NCKAP5: variants seen among roughly 807,000 people sequenced by gnomAD.
NCKAP5 encodes NCK associated protein 5.
A neutral mutation model predicts 167.0 loss-of-function variants in NCKAP5; 92 were observed. The observed-to-expected ratio is 0.55, with a 90% CI of 0.47 to 0.66. The LOEUF (loss-of-function observed/expected upper bound fraction) is 0.66, where lower values mean the gene tolerates loss of function less well. Ranked by LOEUF, NCKAP5 falls within the 30% of genes least tolerant of loss-of-function variation. The probability of loss-of-function intolerance (pLI) is 0.00; values close to 1 mark genes in which losing one functional copy is unlikely to be tolerated. For synonymous variants in NCKAP5, 891 were observed against 877.4 expected, an observed-to-expected ratio of 1.02 and a Z score of -0.27; for missense variants, 2,378 against 2,315.0, an observed-to-expected ratio of 1.03 and a Z score of -0.56.
In NCKAP5 at chr2:132,920,680, A is replaced by ATATAT. The variant is rs1558942415; in HGVS notation, c.580-41765_580-41764insATATA. Among the ~76,000 whole-genome samples the ATATAT allele has an allele frequency of 9.6e-5, 8 of 83,404 alleles. 1 individual carries two copies. Among genetic ancestry groups the ATATAT allele is most frequent in the African/African-American group, 6.6e-4 (8 of 12,184 alleles). The allele number at this position is 83,404 out of a possible 152,430, so 54.7% of individuals were successfully genotyped here. On this transcript the variant is annotated intron_variant, in intron 8 of 19. Transcript: ENST00000409261. ...GAACTTATATATATATATATATATA[A>ATATAT]GTTAGTTTATATATATATATACGTA...
chr2:133,329,285 G>T (rs1042255439), intron 3 of NCKAP5, among the ~76,000 whole-genome samples: 1 of 152,050 alleles, frequency 6.6e-6, no homozygotes, highest in African/African-American at 2.4e-5. Flanking sequence ...ACAACCAGGG[G>T]ACAGCCACGT....
intron 8 of NCKAP5, among the ~76,000 whole-genome samples, chr2:132,922,663 T>C (rs1372041188): frequency 2.6e-5 from 4 of 152,322 alleles, no homozygotes; most frequent in Middle Eastern, 3.4e-3. Flanking sequence ...CAATGCATTA[T>C]ATAATTTAAT....
chr2:133,402,777 C>T (rs1688183367), intron 3 of NCKAP5, among the ~76,000 whole-genome samples: 1 of 152,130 alleles, frequency 6.6e-6, no homozygotes. Context: ...TCACCAGAAG[C>T]AGATGCCAGC....
intron 6 of NCKAP5, among the ~76,000 whole-genome samples, chr2:133,013,185 T>A (rs1361267451): frequency 6.6e-6 from 1 of 152,192 alleles, no homozygotes; most frequent in Admixed American, 6.5e-5. Context: ...GGGATTAGCG[T>A]GTGCTTTGGC....
chr2:132,788,433 G>C (rs1338554457), intron 13 of NCKAP5, among the ~76,000 whole-genome samples: 1 of 152,154 alleles, frequency 6.6e-6, no homozygotes, highest in Non-Finnish European at 1.5e-5. Flanking sequence ...CAGTATAAAA[G>C]AACAATTAAG....
intron 6 of NCKAP5, among the ~76,000 whole-genome samples, chr2:133,039,470 T>A (rs1481651946): frequency 1.3e-5 from 2 of 152,082 alleles, no homozygotes. Flanking sequence ...AGGATCAGAG[T>A]CTTTGATCTT....
chr2:133,206,253 T>C (rs1307182960), intron 5 of NCKAP5, among the ~76,000 whole-genome samples: 1 of 152,184 alleles, frequency 6.6e-6, no homozygotes, highest in Admixed American at 6.6e-5. Context: ...TTACATTTTA[T>C]CAAATATTTT....
intron 3 of NCKAP5, among the ~76,000 whole-genome samples, chr2:133,477,910 A>C (rs1680074895): frequency 6.6e-6 from 1 of 152,108 alleles, no homozygotes; most frequent in Admixed American, 6.5e-5. Context: ...CCTATGAATT[A>C]TTTATTTCTG....
At chr2:133,461,640 C>T (rs777377178) in intron 3 of NCKAP5, among the ~76,000 whole-genome samples, 1 of 152,136 alleles carries the variant, frequency 6.6e-6, no homozygotes, top group Non-Finnish European at 1.5e-5. Context: ...TCCTGGGCTC[C>T]AGCCGAGTGT....
chr2:132,731,925 A>G lies in NCKAP5; in HGVS notation c.5255T>C (p.Leu1752Pro). 6.2e-7 allele frequency: 1 copy of G among 1,613,968 alleles called. No homozygotes were observed. The highest frequency in any genetic ancestry group is 1.3e-5 in the African/African-American group (1 of 75,036). The part of the protein sequence containing the change: ...PDSPEDAEPL[L>P]PLQSALSAVS... ...TGCAGAAAGGGCTGACTGGAGAGGCAGGAGAGGCTCAGCGTCCTCTGGGGA... is the reference window on the plus strand; with the variant it reads ...TGCAGAAAGGGCTGACTGGAGAGGCGGGAGAGGCTCAGCGTCCTCTGGGGA... Residue 1752 changes from leucine (L) to proline (P), a missense_variant, in exon 17 of 20, where the codon CTG (leucine) becomes CCG (proline). Physicochemically the swap from Leu to Pro is moderately conservative, Grantham distance 98. Transcript: ENST00000409261.
At chr2:133,064,350 A>G (rs562113715) in intron 6 of NCKAP5, among the ~76,000 whole-genome samples, 1 of 152,238 alleles carries the variant, frequency 6.6e-6, no homozygotes, top group Non-Finnish European at 1.5e-5. Flanking sequence ...TGTTTGTTTC[A>G]TTATGGTTTG....
intron 11 of NCKAP5, among the ~76,000 whole-genome samples, chr2:132,858,114 G>T (rs1000638086): frequency 1.4e-5 from 2 of 146,824 alleles, no homozygotes; most frequent in African/African-American, 5.1e-5. Context: ...AACTAATGCA[G>T]CCTTCTAAGA....
intron 7 of NCKAP5, among the ~76,000 whole-genome samples, chr2:132,968,451 A>G (rs2076732643): frequency 6.6e-6 from 1 of 152,218 alleles, no homozygotes; most frequent in Non-Finnish European, 1.5e-5. Flanking sequence ...AGATTTTACA[A>G]CTTTGGAACT....
intron 4 of NCKAP5, among the ~76,000 whole-genome samples, chr2:133,298,684 T>C (rs1426772640): frequency 6.6e-6 from 1 of 152,196 alleles, no homozygotes; most frequent in Non-Finnish European, 1.5e-5. Flanking sequence ...GCATTCATTA[T>C]TTTTTGTAAA....
At chr2:132,872,184 C>T (rs1690877926) in intron 9 of NCKAP5, among the ~76,000 whole-genome samples, 2 of 152,358 alleles carry the variant, frequency 1.3e-5, no homozygotes, top group South Asian at 2.1e-4. Flanking sequence ...GCTTGTAGTA[C>T]AGCCTTCCTT....
chr2:133,021,287 C>T (rs1179313107), intron 6 of NCKAP5, among the ~76,000 whole-genome samples: 1 of 152,074 alleles, frequency 6.6e-6, no homozygotes, highest in East Asian at 1.9e-4. Context: ...AGGAGCGAAT[C>T]TGGGGATCAG....
At chr2:133,455,319 T>G (rs1358291437) in intron 3 of NCKAP5, among the ~76,000 whole-genome samples, 3 of 152,148 alleles carry the variant, frequency 2.0e-5, no homozygotes, top group Non-Finnish European at 4.4e-5. Flanking sequence ...TATGCCTTTA[T>G]GAATAATAAA....
chr2:133,275,360 C>T lies in NCKAP5; in HGVS notation c.143+27677G>A, dbSNP rs748460926. 1.2e-3 allele frequency among the ~76,000 whole-genome samples: 183 copies of T among 151,826 alleles called. 1 individual carries two copies. Among genetic ancestry groups the T allele is most frequent in the Non-Finnish European group, 2.0e-3 (139 of 67,864 alleles). On this transcript the variant is annotated intron_variant, in intron 4 of 19. Coordinates refer to ENST00000409261, the MANE Select transcript of NCKAP5 (RefSeq NM_207363.3). ...TGTTCGTACTCTGTGACATAGGAAC[C>T]CCATATCTATGTACTCACGGAAAAG...
At chr2:133,163,705 T>C (rs185917778) in intron 5 of NCKAP5, among the ~76,000 whole-genome samples, 26 of 151,792 alleles carry the variant, frequency 1.7e-4, no homozygotes, top group Non-Finnish European at 3.5e-4. Flanking sequence ...TGTTGTTGTT[T>C]AAACTTTTTC....
Sources: gnomAD v4.1 joint callset for allele counts (sites outside exome capture counted in the v4.1 genomes callset) on GRCh38, gnomAD v4.1.1 for gene constraint, MANE v1.5 for transcripts, NCBI Gene and HGNC (gene_info 2026-07-23, HGNC 2026-07-21) for gene names.